The following TAOK1 variants were observed in gnomAD, a reference collection of about 807,000 sequenced individuals.
TAOK1 encodes the protein TAO kinase 1, also known as serine/threonine-protein kinase TAO1.
A neutral mutation model predicts 138.3 loss-of-function variants in TAOK1; 21 were observed. The observed-to-expected ratio is 0.15, with a 90% CI of 0.11 to 0.22. The LOEUF (loss-of-function observed/expected upper bound fraction) is 0.22, where lower values mean the gene tolerates loss of function less well. Among genes scored for constraint, TAOK1 ranks in the 10% least tolerant of loss-of-function variants. The pLI, the probability that TAOK1 is intolerant of heterozygous loss-of-function variation, is 1.00. For synonymous variants in TAOK1, 361 were observed against 398.4 expected, an observed-to-expected ratio of 0.91 and a Z score of 1.12; for missense variants, 651 against 1,227.7, an observed-to-expected ratio of 0.53 and a Z score of 7.02.
At chr17:29,451,215 C>T (rs545888221) in intron 1 of TAOK1, among the ~76,000 whole-genome samples, 6 of 152,136 alleles carry the variant, frequency 3.9e-5, no homozygotes, top group Admixed American at 3.9e-4. Flanking sequence ...CTTAGAAAAC[C>T]TCCCAAGATA....
chr17:29,426,788 C>T (rs568900093), intron 1 of TAOK1, among the ~76,000 whole-genome samples: 9 of 152,298 alleles, frequency 5.9e-5, no homozygotes, highest in Non-Finnish European at 1.3e-4. Flanking sequence ...CTGTTATTCT[C>T]TAACTTAGAT....
intron 2 of TAOK1, among the ~76,000 whole-genome samples, chr17:29,464,882 G>A (rs531249420): frequency 2.0e-5 from 3 of 146,634 alleles, no homozygotes; most frequent in South Asian, 2.1e-4. Flanking sequence ...GTGCAGTAGC[G>A]CAATCTCAAC....
At chr17:29,433,264 C>T (rs184213649) in intron 1 of TAOK1, among the ~76,000 whole-genome samples, 118 of 151,984 alleles carry the variant, frequency 7.8e-4, no homozygotes, top group Non-Finnish European at 1.2e-3. Flanking sequence ...AACCCTGTCT[C>T]TACTAAAAAT....
chr17:29,419,539 C>T (rs1291093495), intron 1 of TAOK1, among the ~76,000 whole-genome samples: 2 of 145,712 alleles, frequency 1.4e-5, no homozygotes, highest in African/African-American at 5.1e-5. Flanking sequence ...GTTGTCTAGG[C>T]TGGAGTGCAG....
intron 15 of TAOK1, among the ~76,000 whole-genome samples, chr17:29,516,416 C>T (rs889185090): frequency 1.3e-5 from 2 of 151,860 alleles, no homozygotes; most frequent in African/African-American, 4.8e-5. Flanking sequence ...CTCACTGCAA[C>T]CTCTGCCTCC....
intron 1 of TAOK1, among the ~76,000 whole-genome samples, chr17:29,403,203 G>T (rs1052918199): frequency 6.8e-6 from 1 of 147,696 alleles, no homozygotes; most frequent in Non-Finnish European, 1.5e-5. Context: ...GCTGCAATGT[G>T]TTACATCTAA....
At chr17:29,473,889 AC>A (rs988951613) in intron 3 of TAOK1, among the ~76,000 whole-genome samples, 1 of 151,664 alleles carries the variant, frequency 6.6e-6, no homozygotes, top group African/African-American at 2.4e-5. Flanking sequence ...GCATCACCAC[AC>A]CTGGCTAATT....
chr17:29,514,993 G>A (rs978117294), intron 15 of TAOK1: 7 of 80,980 alleles, frequency 8.6e-5, no homozygotes, highest in African/African-American at 1.7e-4. Context: ...AGTGAAATTC[G>A]ATCTAAAAAA....
intron 2 of TAOK1, among the ~76,000 whole-genome samples, chr17:29,465,934 T>A (rs1421970343): frequency 6.7e-6 from 1 of 150,216 alleles, no homozygotes; most frequent in East Asian, 2.0e-4. Context: ...TGATCCTGAT[T>A]AGCAGTTGTT....
chr17:29,397,736 T>C (rs895648895), intron 1 of TAOK1, among the ~76,000 whole-genome samples: 19 of 114,264 alleles, frequency 1.7e-4, no homozygotes, highest in Non-Finnish European at 2.4e-4. Flanking sequence ...TATACATATA[T>C]ACACGTATAT....
intron 16 of TAOK1, among the ~76,000 whole-genome samples, chr17:29,519,644 C>T (rs777365592): frequency 2.0e-5 from 3 of 152,020 alleles, no homozygotes; most frequent in African/African-American, 7.3e-5. Context: ...TGCGAGTTTA[C>T]TAATAAATTC....
At chr17:29,464,192 A>G (rs973489375) in intron 2 of TAOK1, among the ~76,000 whole-genome samples, 1 of 151,774 alleles carries the variant, frequency 6.6e-6, no homozygotes, top group African/African-American at 2.4e-5. Flanking sequence ...TCCCAGCACT[A>G]TGGGAGGCCA....
At chr17:29,523,596 C>T (rs1346921355) in intron 17 of TAOK1, among the ~76,000 whole-genome samples, 1 of 152,110 alleles carries the variant, frequency 6.6e-6, no homozygotes, top group Non-Finnish European at 1.5e-5. Flanking sequence ...CCGTGTTAGC[C>T]AGGATGGTCT....
At chr17:29,518,764 T>TTATC (rs1567742328) in intron 16 of TAOK1, among the ~76,000 whole-genome samples, 12 of 147,120 alleles carry the variant, frequency 8.2e-5, no homozygotes, top group African/African-American at 1.5e-4. Flanking sequence ...ATCTATTTAT[T>TTATC]TATTTATTTA....
chr17:29,533,830 G>GGAAAGAGAGGGAGAGGGAGACCGTC (rs1485397753), intron 18 of TAOK1, among the ~76,000 whole-genome samples: 1 of 139,804 alleles, frequency 7.2e-6, no homozygotes, highest in South Asian at 2.3e-4. Flanking sequence ...GGGAGACCGT[G>GGAAAGAGAGGGAGAGGGAGACCGTC]GGGAGAGGGA....
intron 15 of TAOK1, chr17:29,512,684 C>CT (rs34741008): frequency 1.3e-3 from 175 of 135,962 alleles, no homozygotes; most frequent in Middle Eastern, 8.2e-3. Flanking sequence ...CAGCTGACAA[C>CT]TTTTTTTTTT....
chr17:29,425,467 T>A (rs997476991), intron 1 of TAOK1, among the ~76,000 whole-genome samples: 1 of 152,142 alleles, frequency 6.6e-6, no homozygotes, highest in African/African-American at 2.4e-5. Context: ...CAGCTTGAGT[T>A]CACGAGTTTG....
At chr17:29,487,246 CAAAAAAAAAAAAAAAAAA>C (rs71138823) in intron 8 of TAOK1, among the ~76,000 whole-genome samples, 1 of 90,292 alleles carries the variant, frequency 1.1e-5, no homozygotes, top group Non-Finnish European at 2.0e-5. Flanking sequence ...ACTGTGTCTC[CAAAAAAAAAAAAAAAAAA>C]AAAAAAAAAA....
chr17:29,477,184 G>A (rs1347995325), intron 4 of TAOK1, among the ~76,000 whole-genome samples: 1 of 152,034 alleles, frequency 6.6e-6, no homozygotes, highest in Non-Finnish European at 1.5e-5. Flanking sequence ...TATATAGTTG[G>A]TTGAATCTAC....
Sources: gnomAD v4.1 joint callset for allele counts (sites outside exome capture counted in the v4.1 genomes callset) on GRCh38, gnomAD v4.1.1 for gene constraint, MANE v1.5 for transcripts, NCBI Gene and HGNC (gene_info 2026-07-23, HGNC 2026-07-21) for gene names.